The following NXPH1 variants were observed in gnomAD, a reference collection of about 807,000 sequenced individuals.
NXPH1 encodes the protein neurexophilin-1.
A neutral mutation model predicts 23.7 loss-of-function variants in NXPH1; 5 were observed. That is an observed-to-expected ratio of 0.21 (90% CI 0.11 to 0.44). NXPH1 has a LOEUF of 0.44. NXPH1 is among the 20% of genes least tolerant of loss of function. NXPH1 has a pLI of 0.99. For synonymous variants in NXPH1, 144 were observed against 122.2 expected (o/e 1.18, Z -1.18); for missense variants, 324 against 321.6 (o/e 1.01, Z -0.06).
intron 2 of NXPH1, among the ~76,000 whole-genome samples, chr7:8,659,929 A>G (rs2882241): frequency 0.63 from 96,384 of 151,830 alleles, 31,487 homozygotes; most frequent in Middle Eastern, 0.76. Flanking sequence ...GATTGTGCAG[A>G]TAAACAATTT....
At chr7:8,594,554 TG>T (rs1419255708) in intron 2 of NXPH1, among the ~76,000 whole-genome samples, 1 of 152,036 alleles carries the variant, frequency 6.6e-6, no homozygotes, top group Non-Finnish European at 1.5e-5. Context: ...TTTGCTTGTT[TG>T]TGGGACAAGG....
At chr7:8,743,631 C>T (rs1176643506) in intron 2 of NXPH1, among the ~76,000 whole-genome samples, 1 of 151,796 alleles carries the variant, frequency 6.6e-6, no homozygotes, top group African/African-American at 2.4e-5. Context: ...TAATTATGCT[C>T]CTAAGACATG....
chr7:8,573,407 C>T (rs539916112), intron 2 of NXPH1, among the ~76,000 whole-genome samples: 1 of 151,952 alleles, frequency 6.6e-6, no homozygotes, highest in Non-Finnish European at 1.5e-5. Context: ...TACATACTAC[C>T]GAACTACTTT....
chr7:8,692,649 A>C (rs1821239998), intron 2 of NXPH1, among the ~76,000 whole-genome samples: 1 of 152,144 alleles, frequency 6.6e-6, no homozygotes, highest in South Asian at 2.1e-4. Context: ...TTATGGGAAA[A>C]GTCTCCATAG....
intron 2 of NXPH1, among the ~76,000 whole-genome samples, chr7:8,499,276 C>G (rs1394893920): frequency 1.3e-5 from 2 of 152,090 alleles, no homozygotes; most frequent in African/African-American, 4.8e-5. Context: ...CCAGCTGAGA[C>G]AGCACAGACA....
At position 8,694,027 on chromosome 7, in the gene NXPH1, A is replaced by G. The variant is rs1032008643; in HGVS notation, c.55-56981A>G. 9.9e-5 allele frequency among the ~76,000 whole-genome samples: 15 copies of G among 151,606 alleles called. 1 individual carries two copies. Among genetic ancestry groups the G allele is most frequent in the African/African-American group, 3.4e-4 (14 of 41,474 alleles). On this transcript the variant is annotated intron_variant, in intron 2 of 2. Transcript: ENST00000405863. ...AGAGTCATGTCAGGATGACATTTGT[A>G]AAACAGTTTTCTGAAACAAAGCAGT...
chr7:8,653,915 C>T (rs1022034304), intron 2 of NXPH1, among the ~76,000 whole-genome samples: 2 of 152,076 alleles, frequency 1.3e-5, no homozygotes, highest in African/African-American at 2.4e-5. Flanking sequence ...CAACTCCTAT[C>T]GTTAGAAAAA....
At chr7:8,511,839 T>C (rs914659743) in intron 2 of NXPH1, among the ~76,000 whole-genome samples, 9 of 152,126 alleles carry the variant, frequency 5.9e-5, no homozygotes, top group Non-Finnish European at 1.2e-4. Context: ...TGCAGGCAGC[T>C]TCAATAAGAC....
At chr7:8,720,497 TTAAAA>T (rs1436424077) in intron 2 of NXPH1, among the ~76,000 whole-genome samples, 1 of 152,164 alleles carries the variant, frequency 6.6e-6, no homozygotes, top group Non-Finnish European at 1.5e-5. Flanking sequence ...ATCTTTATGA[TTAAAA>T]TAAAATAATG....
intron 2 of NXPH1, among the ~76,000 whole-genome samples, chr7:8,583,802 T>C (rs1818928114): frequency 6.6e-6 from 1 of 152,118 alleles, no homozygotes; most frequent in South Asian, 2.1e-4. Flanking sequence ...CTCTTTATCT[T>C]TTGGAACTCC....
intron 2 of NXPH1, among the ~76,000 whole-genome samples, chr7:8,649,825 G>T (rs1219685552): frequency 2.6e-5 from 4 of 152,054 alleles, no homozygotes; most frequent in African/African-American, 9.7e-5. Flanking sequence ...TTGGTGTTGG[G>T]TAGTGGGTAT....
At chr7:8,713,920 CCAGCA>C (rs1458688615) in intron 2 of NXPH1, among the ~76,000 whole-genome samples, 1 of 152,184 alleles carries the variant, frequency 6.6e-6, no homozygotes, top group East Asian at 1.9e-4. Flanking sequence ...AAACCTGAAG[CCAGCA>C]CAGCACTGAG....
At chr7:8,739,181 A>AC (rs951223331) in intron 2 of NXPH1, among the ~76,000 whole-genome samples, 2 of 106,078 alleles carry the variant, frequency 1.9e-5, no homozygotes, top group African/African-American at 6.5e-5. Flanking sequence ...TAAAAAAAAA[A>AC]AAAAAAAAAA....
At chr7:8,611,068 A>G (rs1158751893) in intron 2 of NXPH1, among the ~76,000 whole-genome samples, 1 of 152,150 alleles carries the variant, frequency 6.6e-6, no homozygotes, top group Non-Finnish European at 1.5e-5. Context: ...ACCCACAGAA[A>G]TTGCAAATGA....
intron 2 of NXPH1, among the ~76,000 whole-genome samples, chr7:8,469,096 G>A (rs1438405205): frequency 6.6e-6 from 1 of 151,770 alleles, no homozygotes; most frequent in Non-Finnish European, 1.5e-5. Flanking sequence ...ACAGAAAAAA[G>A]AAATATTAAA....
intron 2 of NXPH1, among the ~76,000 whole-genome samples, chr7:8,740,279 A>G (rs1780338846): frequency 6.6e-6 from 1 of 152,204 alleles, no homozygotes; most frequent in South Asian, 2.1e-4. Context: ...AATGAAGGAA[A>G]TAAGTGCATA....
In NXPH1 at chr7:8,624,823, C is replaced by T. The variant is rs182275127; in HGVS notation, c.55-126185C>T. Among the ~76,000 whole-genome samples the T allele has an allele frequency of 1.4e-3, 211 of 152,176 alleles. 3 individuals carry two copies. Among genetic ancestry groups the T allele is most frequent in the Middle Eastern group, 6.8e-3 (2 of 294 alleles). On this transcript the variant is annotated intron_variant, in intron 2 of 2. Coordinates refer to ENST00000405863, the MANE Select transcript of NXPH1 (RefSeq NM_152745.3). Reference sequence around the variant, plus strand: ...TTCATTGTGGAAGCAAAAGCCAGCACGAGAAAGTGGGGAAGCTGAGTAGTA... The same window carrying T: ...TTCATTGTGGAAGCAAAAGCCAGCATGAGAAAGTGGGGAAGCTGAGTAGTA...
At chr7:8,600,148 T>C (rs1234581814) in intron 2 of NXPH1, among the ~76,000 whole-genome samples, 1 of 152,062 alleles carries the variant, frequency 6.6e-6, no homozygotes, top group African/African-American at 2.4e-5. Context: ...ATTCAAAAAA[T>C]GATTATTGCA....
rs544802552 is a variant in NXPH1 at position 8,710,751 on chromosome 7, T to C, written c.55-40257T>C. Among the ~76,000 whole-genome samples, 222 of 115,346 alleles carry C rather than the reference T, an allele frequency of 1.9e-3. 10 individuals are homozygous for C. Among genetic ancestry groups the C allele is most frequent in the East Asian group, 5.6e-3 (18 of 3,230 alleles). The allele number at this position is 115,346 out of a possible 152,430, so 75.7% of individuals were successfully genotyped here. A position where few individuals can be genotyped will look rare whatever the true frequency, so the allele number is the denominator to read the frequency against. On this transcript the variant is annotated intron_variant, in intron 2 of 2. Transcript: ENST00000405863. ...AATCTCGGCTCACTGCAAGCTCCGC[T>C]TCCCGGGTTCACGCCATTCTCCTGC...
Sources: gnomAD v4.1 joint callset for allele counts (sites outside exome capture counted in the v4.1 genomes callset) on GRCh38, gnomAD v4.1.1 for gene constraint, MANE v1.5 for transcripts, NCBI Gene and HGNC (gene_info 2026-07-23, HGNC 2026-07-21) for gene names.